The following PGC variants were observed in gnomAD, a reference collection of about 807,000 sequenced individuals.
PGC encodes progastricsin.
Under a neutral mutation model 45.9 loss-of-function variants are expected in PGC, and 31 were observed. That is an observed-to-expected ratio of 0.67 (90% CI 0.51 to 0.91). The LOEUF (loss-of-function observed/expected upper bound fraction) is 0.91, where lower values mean the gene tolerates loss of function less well. Ranked by LOEUF, PGC falls within the 40% of genes least tolerant of loss-of-function variation. The pLI, the probability that PGC is intolerant of heterozygous loss-of-function variation, is 0.00. For synonymous variants in PGC, 192 were observed against 201.8 expected, an observed-to-expected ratio of 0.95 and a Z score of 0.41; for missense variants, 477 against 493.2, an observed-to-expected ratio of 0.97 and a Z score of 0.31.
intron 1 of PGC, among the ~76,000 whole-genome samples, chr6:41,745,479 T>C (rs1771914067): frequency 6.6e-6 from 1 of 151,462 alleles, no homozygotes; most frequent in Non-Finnish European, 1.5e-5. Flanking sequence ...ACCTCGTGAC[T>C]CGCCTGCCTA....
chr6:41,741,734 C>T (rs1771828848), intron 5 of PGC: 2 of 1,169,416 alleles, frequency 1.7e-6, no homozygotes, highest in African/African-American at 1.5e-5. Flanking sequence ...CGCTCACCCC[C>T]ACCCACTGCC....
At chr6:41,737,701 T>C (rs1771712975) in intron 8 of PGC, 29 bp downstream of exon 8, 5 of 1,358,118 alleles carry the variant, frequency 3.7e-6, no homozygotes, top group Non-Finnish European at 5.3e-6. Context: ...CCAATCATGG[T>C]GGCTCAGCCT....
intron 5 of PGC, chr6:41,741,728 C>G: frequency 9.2e-7 from 1 of 1,081,128 alleles, no homozygotes; most frequent in Non-Finnish European, 1.4e-6. Context: ...CCAGGCCGCT[C>G]ACCCCCACCC....
intron 8 of PGC, among the ~76,000 whole-genome samples, 182 bp from the exon 9 acceptor site, chr6:41,737,186 G>C (rs549287094): frequency 1.3e-5 from 2 of 152,298 alleles, no homozygotes; most frequent in Non-Finnish European, 2.9e-5. Flanking sequence ...TCTGGAACAG[G>C]TACATTCAGG....
Position 41,744,460 on chromosome 6 carries a change from G to C in PGC, c.265C>G (p.Leu89Val). The C allele has an allele frequency of 1.9e-6, 3 of 1,613,874 alleles. No individual in the cohort carries two copies. Among genetic ancestry groups the C allele is most frequent in the Non-Finnish European group, 2.5e-6 (3 of 1,179,988 alleles). Reference sequence around the variant, plus strand: ...AAGTTGGAGGAGCCGGTGTCAAAAAGGACCAGGAAGTTCTGGGGTGGAGTC... The same window carrying C: ...AAGTTGGAGGAGCCGGTGTCAAAAACGACCAGGAAGTTCTGGGGTGGAGTC... ...IGTPPQNFLV[L>V]FDTGSSNLWV... is the part of the protein sequence containing the mutation. Residue 89 changes from leucine to valine, a missense_variant, in exon 3 of 9, where the codon CTT (leucine) becomes GTT (valine). By Grantham distance (32) the Leu-to-Val change is conservative (BLOSUM62 1). Transcript: ENST00000373025. The surrounding 1 kb of genome is among the most constrained non-coding windows in gnomAD (Gnocchi z 4.4).
rs767922011 is a variant in PGC, at chr6:41,742,528, C to A, written c.448-39G>T. ...AAACGAGGGGAGGTGACCAGTCTGA[C>A]TCCACTCACCTCCTCCAGGTTCCCC... is the stretch of plus-strand genomic sequence containing the variant. On this transcript the variant is annotated intron_variant, in intron 4 of 8. Coordinates refer to ENST00000373025, the MANE Select transcript of PGC (RefSeq NM_002630.4). The A allele has an allele frequency of 2.0e-6, 3 of 1,471,942 alleles. No individual in the cohort carries two copies. In the South Asian group the frequency reaches 3.4e-5, roughly 17 times the overall value. The allele number at this position is 1,471,942 out of a possible 1,614,324, so 91.2% of individuals were successfully genotyped here. A position where few individuals can be genotyped will look rare whatever the true frequency, so the allele number is the denominator to read the frequency against.
At position 41,739,955 on chromosome 6, in the gene PGC, G is replaced by T; in HGVS notation, c.768-9C>A. On this transcript the variant is annotated splice_polypyrimidine_tract_variant and intron_variant, in intron 6 of 8. Coordinates refer to ENST00000373025, the MANE Select transcript of PGC (RefSeq NM_002630.4). The stretch of plus-strand genomic sequence containing the variant: ...GGCCGCCGATGAGGAACCTGTATGG[G>T]GAGAAGACAGGCAGCCTCAGGACTC... The T allele has an allele frequency of 6.2e-7, 1 of 1,612,824 alleles. No homozygotes were observed. The highest frequency in any genetic ancestry group is 8.5e-7 in the Non-Finnish European group (1 of 1,179,328).
chr6:41,737,861 C>T (rs373007082), intron 7 of PGC, 33 bp from the exon 8 acceptor site: 19 of 1,321,932 alleles, frequency 1.4e-5, no homozygotes, highest in Non-Finnish European at 2.1e-5. Context: ...GTTAACTCAT[C>T]CTCCCCCTGA....
intron 7 of PGC, 88 bp from the exon 8 acceptor site, chr6:41,737,916 T>C (rs1027922946): frequency 6.4e-6 from 5 of 780,186 alleles, no homozygotes; most frequent in Non-Finnish European, 8.9e-6. Context: ...ATCCCAGGCC[T>C]GAGCTCCGGG....
At chr6:41,745,077 G>C (rs1333118420) in intron 1 of PGC, among the ~76,000 whole-genome samples, 1 of 151,790 alleles carries the variant, frequency 6.6e-6, no homozygotes, top group Non-Finnish European at 1.5e-5. Flanking sequence ...GCTCTTCTCA[G>C]CACTTGCTCT....
intron 7 of PGC, among the ~76,000 whole-genome samples, chr6:41,738,939 G>A (rs1010522093): frequency 2.6e-5 from 4 of 151,814 alleles, no homozygotes; most frequent in East Asian, 3.9e-4. Context: ...CAGCCTGGGC[G>A]ACAGAGAGAG....
At chr6:41,740,347 A>G in intron 6 of PGC, 144 bp downstream of exon 6, 4 of 1,070,542 alleles carry the variant, frequency 3.7e-6, no homozygotes, top group South Asian at 1.7e-5. Context: ...ACCCCTGCAG[A>G]GGACAGTTGT....
chr6:41,741,823 C>G (rs1227082366), intron 5 of PGC: 1 of 1,536,056 alleles, frequency 6.5e-7, no homozygotes, highest in Non-Finnish European at 8.7e-7. Flanking sequence ...TGGACCTAGA[C>G]CAGAAGACTC....
chr6:41,741,274 G>C (rs1771819217), intron 5 of PGC: 1 of 1,414,216 alleles, frequency 7.1e-7, no homozygotes, highest in South Asian at 1.5e-5. Context: ...GAGGAAGTTA[G>C]CAACATTAGT....
intron 7 of PGC, among the ~76,000 whole-genome samples, chr6:41,738,207 T>C (rs1561879863): frequency 1.1e-4 from 2 of 18,354 alleles, no homozygotes; most frequent in African/African-American, 1.9e-4. Flanking sequence ...TATATGCATA[T>C]ATATATGCAT....
At chr6:41,741,146 C>A in intron 5 of PGC, 1 of 1,537,014 alleles carries the variant, frequency 6.5e-7, no homozygotes, top group East Asian at 2.4e-5. Flanking sequence ...CAGGTAGGGT[C>A]TTGGTGAAGG....
rs1771947410 is a variant in PGC at position 41,747,337 on chromosome 6, T to C, written c.-3A>G. The C allele has an allele frequency of 6.2e-7, 1 of 1,613,746 alleles. No individual in the cohort carries two copies. Among genetic ancestry groups the C allele is most frequent in the Non-Finnish European group, 8.5e-7 (1 of 1,179,754 alleles). On this transcript the variant is annotated 5_prime_UTR_variant, in exon 1 of 9. Transcript: ENST00000373025. Reference sequence around the variant, plus strand: ...AAGACCACCACCATCCACTTCATGATGCTGGTCCCCAACTGGCCACAGAGG... The same window carrying C: ...AAGACCACCACCATCCACTTCATGACGCTGGTCCCCAACTGGCCACAGAGG...
chr6:41,740,729 A>G, intron 5 of PGC, 119 bp from the exon 6 acceptor site: 1 of 1,475,628 alleles, frequency 6.8e-7, no homozygotes, highest in East Asian at 2.4e-5. Context: ...GGGCTCCCTG[A>G]GGAGAGCACT....
intron 3 of PGC, 33 bp from the exon 4 acceptor site, chr6:41,743,422 C>T (rs767405506): frequency 2.6e-5 from 36 of 1,382,450 alleles, no homozygotes; most frequent in African/African-American, 2.8e-5. Context: ...GGAGTCAGGC[C>T]GGCTGGGGCA....
Sources: allele counts gnomAD v4.1 joint callset (sites outside exome capture counted in the v4.1 genomes callset), GRCh38; gene constraint gnomAD v4.1.1; non-coding constraint Gnocchi (gnomAD v3.1); transcripts MANE v1.5; gene names NCBI Gene and HGNC (gene_info 2026-07-23, HGNC 2026-07-21).